The following MYO3B variants were observed in gnomAD, a reference collection of about 807,000 sequenced individuals.
MYO3B encodes the protein myosin IIIB, also known as myosin-IIIb.
In MYO3B, 156 loss-of-function variants were observed where a neutral mutation model predicts 174.6. The ratio of observed to expected loss-of-function variants is 0.89; its 90% CI spans 0.78 to 1.02. The LOEUF (loss-of-function observed/expected upper bound fraction) is 1.02. Ranked by LOEUF, MYO3B falls within the 50% of genes least tolerant of loss-of-function variation. The pLI, the probability that MYO3B is intolerant of heterozygous loss-of-function variation, is 0.00. For missense variants in MYO3B, 1,632 were observed against 1,639.4 expected (o/e 1.00, Z 0.08); for synonymous variants, 563 against 569.1 (o/e 0.99, Z 0.15).
At chr2:170,360,332 T>C (rs2094151611) in intron 8 of MYO3B, among the ~76,000 whole-genome samples, 1 of 152,136 alleles carries the variant, frequency 6.6e-6, no homozygotes, top group Non-Finnish European at 1.5e-5. Flanking sequence ...TTTGTCAAAA[T>C]GGAAATTGAT....
Position 170,206,384 on chromosome 2 carries a change from AT to A in MYO3B, c.321+6101del, listed in dbSNP as rs1236324828. Among the ~76,000 whole-genome samples the A allele has an allele frequency of 2.0e-5, 3 of 152,128 alleles. No homozygotes were observed. Among genetic ancestry groups the A allele is most frequent in the Non-Finnish European group, 4.4e-5 (3 of 68,014 alleles). On this transcript the variant is annotated intron_variant, in intron 3 of 34. Coordinates refer to ENST00000408978, the MANE Select transcript of MYO3B (RefSeq NM_138995.5). The surrounding 1 kb of genome is among the most constrained non-coding windows in gnomAD (Gnocchi z 4.3). ...CAGCTCTGCTTCCACATTCCACACT[AT>A]AATTACTCGTATGTCCATTACTGGG...
intron 7 of MYO3B, among the ~76,000 whole-genome samples, chr2:170,237,852 C>A (rs2093088834): frequency 6.6e-6 from 1 of 152,130 alleles, no homozygotes; most frequent in African/African-American, 2.4e-5. Context: ...GGTTCCTGTG[C>A]AAATGATGAA....
intron 32 of MYO3B, among the ~76,000 whole-genome samples, chr2:170,598,026 G>A (rs1014940910): frequency 5.9e-5 from 9 of 152,182 alleles, no homozygotes; most frequent in African/African-American, 2.2e-4. Flanking sequence ...AATATCTGTT[G>A]TTTAATTACA....
chr2:170,564,210 C>A (rs960985354), intron 32 of MYO3B, among the ~76,000 whole-genome samples: 1 of 152,168 alleles, frequency 6.6e-6, no homozygotes, highest in Non-Finnish European at 1.5e-5. Context: ...TGGTGGCTCA[C>A]GTCTGTAATC....
At chr2:170,465,698 G>A (rs774502970) in intron 24 of MYO3B, among the ~76,000 whole-genome samples, 2 of 152,196 alleles carry the variant, frequency 1.3e-5, no homozygotes, top group Non-Finnish European at 2.9e-5. Flanking sequence ...CATACAACCA[G>A]TTTGGTGTTC....
chr2:170,548,807 C>T (rs1026890980), intron 32 of MYO3B, among the ~76,000 whole-genome samples: 8 of 152,134 alleles, frequency 5.3e-5, no homozygotes, highest in Admixed American at 4.6e-4. Context: ...GGGCCACCTA[C>T]CCTTGCAGTA....
chr2:170,208,037 C>A (rs2092732637), intron 3 of MYO3B, among the ~76,000 whole-genome samples: 1 of 152,162 alleles, frequency 6.6e-6, no homozygotes, highest in Admixed American at 6.5e-5. Flanking sequence ...ATTCTCTAGA[C>A]CTCATTTATG....
At chr2:170,343,589 A>G (rs2093993854) in intron 8 of MYO3B, 1 of 152,252 alleles carries the variant, frequency 6.6e-6, no homozygotes, top group African/African-American at 2.4e-5. Context: ...GGGAAGGAAA[A>G]TGGGTGTCTG....
At chr2:170,646,443 G>A (rs1337547892) in intron 32 of MYO3B, among the ~76,000 whole-genome samples, 3 of 151,764 alleles carry the variant, frequency 2.0e-5, no homozygotes, top group Non-Finnish European at 4.4e-5. Context: ...TACCCAGGCT[G>A]GAGTACAGAG....
intron 22 of MYO3B, among the ~76,000 whole-genome samples, chr2:170,442,394 C>A (rs2094807193): frequency 6.6e-6 from 1 of 151,920 alleles, no homozygotes; most frequent in African/African-American, 2.4e-5. Context: ...ATATCATGTG[C>A]TTATTTGCCC....
intron 3 of MYO3B, 96 bp downstream of exon 3, chr2:170,200,380 G>A: frequency 2.9e-6 from 4 of 1,401,200 alleles, no homozygotes; most frequent in Non-Finnish European, 3.8e-6. Flanking sequence ...GTACACATTT[G>A]AGGAGTAGGT....
chr2:170,214,296 A>G lies in MYO3B; in HGVS notation c.322-83A>G, dbSNP rs1055228943. On this transcript the variant is annotated intron_variant, in intron 3 of 34. Transcript: ENST00000408978. ...AAATTTACTACATTGAATCAGTATCAGTCGGCTTTTCTTAATTTCTTTTTC... is the reference window on the plus strand; with the variant it reads ...AAATTTACTACATTGAATCAGTATCGGTCGGCTTTTCTTAATTTCTTTTTC... 7 of 1,053,110 alleles carry G rather than the reference A, an allele frequency of 6.6e-6. No homozygotes were observed. The African/African-American group carries it at 1.1e-4, about 17-fold the overall frequency. 65.2% of individuals were successfully genotyped at this position (1,053,110 alleles called of 1,614,324 possible).
intron 25 of MYO3B, among the ~76,000 whole-genome samples, chr2:170,474,425 G>GATGGATAGGCTAAAACGATAGGC (rs1559036846): frequency 2.0e-5 from 3 of 151,888 alleles, no homozygotes; most frequent in Admixed American, 6.6e-5. Context: ...GAAGGATAGG[G>GATGGATAGGCTAAAACGATAGGC]ATGGATAGGC....
chr2:170,253,636 C>G (rs777409377), intron 7 of MYO3B, among the ~76,000 whole-genome samples: 1 of 151,890 alleles, frequency 6.6e-6, no homozygotes, highest in East Asian at 1.9e-4. Flanking sequence ...ACGAGAGCTC[C>G]TGAGGGCTAC....
intron 7 of MYO3B, among the ~76,000 whole-genome samples, chr2:170,330,302 AT>A (rs890765916): frequency 1.3e-5 from 2 of 151,580 alleles, no homozygotes; most frequent in African/African-American, 4.8e-5. Flanking sequence ...GTTTTCTGTC[AT>A]TTTTTTTGCA....
At chr2:170,226,821 T>C (rs1420703827) in intron 6 of MYO3B, among the ~76,000 whole-genome samples, 1 of 152,016 alleles carries the variant, frequency 6.6e-6, no homozygotes, top group East Asian at 1.9e-4. Context: ...CCAGGAGCAT[T>C]TGGAATTTTT....
chr2:170,480,058 T>A (rs180854701), intron 25 of MYO3B, among the ~76,000 whole-genome samples: 1,685 of 149,918 alleles, frequency 0.011, 54 homozygotes, highest in East Asian at 0.085. Flanking sequence ...TATATATATA[T>A]AAAATAACAC....
intron 23 of MYO3B, among the ~76,000 whole-genome samples, chr2:170,461,340 G>A (rs1009866976): frequency 2.0e-5 from 3 of 151,656 alleles, no homozygotes; most frequent in African/African-American, 7.3e-5. Flanking sequence ...TGGGCGTGGT[G>A]GCGGGCACCT....
chr2:170,648,578 G>A lies in MYO3B; in HGVS notation c.3734-3050G>A, dbSNP rs555328116. Among the ~76,000 whole-genome samples, 57 of 145,838 alleles carry A rather than the reference G, an allele frequency of 3.9e-4. 1 individual carries two copies. The highest frequency in any genetic ancestry group is 1.1e-3 in the African/African-American group (45 of 39,442). Reference sequence around the variant, plus strand: ...GCGGAGGCTACAGTGAGCTGAGATCGTGCCACTGCACTCTAGCCTGGGTGA... The same window carrying A: ...GCGGAGGCTACAGTGAGCTGAGATCATGCCACTGCACTCTAGCCTGGGTGA... On this transcript the variant is annotated intron_variant, in intron 32 of 34. Transcript: ENST00000408978.
Sources: allele counts gnomAD v4.1 joint callset (sites outside exome capture counted in the v4.1 genomes callset), GRCh38; gene constraint gnomAD v4.1.1; non-coding constraint Gnocchi (gnomAD v3.1); transcripts MANE v1.5; gene names NCBI Gene and HGNC (gene_info 2026-07-23, HGNC 2026-07-21).